The following GRXCR2 variants were observed in gnomAD, a reference collection of about 807,000 sequenced individuals.
GRXCR2 encodes glutaredoxin domain-containing cysteine-rich protein 2.
Under a neutral mutation model 24.8 loss-of-function variants are expected in GRXCR2, and 23 were observed. That is an observed-to-expected ratio of 0.93 (90% CI 0.67 to 1.32). The LOEUF is 1.32. GRXCR2 is among the 40% of genes most tolerant of loss of function. The pLI is 0.00. For synonymous variants in GRXCR2, 130 were observed against 116.1 expected, an observed-to-expected ratio of 1.12 and a Z score of -0.77; for missense variants, 315 against 303.4, an observed-to-expected ratio of 1.04 and a Z score of -0.28.
chr5:145,915,246 G>A (rs1757220160), intron 2 of GRXCR2, among the ~76,000 whole-genome samples: 1 of 152,132 alleles, frequency 6.6e-6, no homozygotes, highest in Admixed American at 6.6e-5. Context: ...GGCCATTCCT[G>A]TGCACTCATT....
chr5:145,905,669 G>A (rs914586517), intron 2 of GRXCR2, among the ~76,000 whole-genome samples: 3 of 152,158 alleles, frequency 2.0e-5, no homozygotes, highest in Admixed American at 2.0e-4. Flanking sequence ...GCATGGACGG[G>A]GTAGGAGAGG....
chr5:145,913,349 C>T (rs1757192387), intron 2 of GRXCR2, among the ~76,000 whole-genome samples: 1 of 152,044 alleles, frequency 6.6e-6, no homozygotes, highest in Non-Finnish European at 1.5e-5. Context: ...ACTTCTCTTT[C>T]TTGTAACTAA....
intron 1 of GRXCR2, among the ~76,000 whole-genome samples, chr5:145,869,416 T>C (rs895390868): frequency 6.6e-6 from 1 of 152,202 alleles, no homozygotes; most frequent in Non-Finnish European, 1.5e-5. Flanking sequence ...TTTATAACCT[T>C]TTTCTCTACC....
intron 2 of GRXCR2, among the ~76,000 whole-genome samples, chr5:145,861,790 G>A (rs1756343595): frequency 6.6e-6 from 1 of 152,148 alleles, no homozygotes; most frequent in South Asian, 2.1e-4. Flanking sequence ...AACTCATTCA[G>A]CTTTCTTTTA....
chr5:145,885,759 G>A lies in GRXCR2; in HGVS notation c.-69-19031C>T, dbSNP rs186624410. On this transcript the variant is annotated intron_variant, in intron 2 of 3. Coordinates refer to the GRXCR2 transcript ENST00000639411. ...TTCTTTTTGGAATTTGATTTCATGA[G>A]GTCAGTATTCCGAGGAAAATAGTCT... 1.6e-3 allele frequency among the ~76,000 whole-genome samples: 238 copies of A among 152,236 alleles called. 2 individuals are homozygous for A. Among genetic ancestry groups the A allele is most frequent in the Middle Eastern group, 6.8e-3 (2 of 294 alleles).
At chr5:145,889,850 A>T (rs1195093435) in intron 2 of GRXCR2, among the ~76,000 whole-genome samples, 1 of 152,244 alleles carries the variant, frequency 6.6e-6, no homozygotes, top group Non-Finnish European at 1.5e-5. Flanking sequence ...AAAATGAAGG[A>T]AGAGATAAAC....
At chr5:145,871,617 T>C (rs1271278337) in intron 1 of GRXCR2, among the ~76,000 whole-genome samples, 3 of 152,160 alleles carry the variant, frequency 2.0e-5, no homozygotes, top group Non-Finnish European at 2.9e-5. Flanking sequence ...CCTTTTAATA[T>C]CAAAAACAAG....
chr5:145,902,631 G>A (rs1757039567), intron 2 of GRXCR2, among the ~76,000 whole-genome samples: 1 of 152,224 alleles, frequency 6.6e-6, no homozygotes, highest in African/African-American at 2.4e-5. Context: ...GAATCAGTGA[G>A]TGACGCCAAG....
At chr5:145,913,949 C>G (rs567240641) in intron 2 of GRXCR2, among the ~76,000 whole-genome samples, 1 of 152,186 alleles carries the variant, frequency 6.6e-6, no homozygotes, top group African/African-American at 2.4e-5. Context: ...CACACTCAGG[C>G]GTTTTGATTT....
intron 1 of GRXCR2, among the ~76,000 whole-genome samples, chr5:145,866,944 C>T (rs1252069788): frequency 6.6e-6 from 1 of 152,086 alleles, no homozygotes; most frequent in Non-Finnish European, 1.5e-5. Context: ...TTGATGGTGA[C>T]CAATCAAAGC....
chr5:145,881,666 C>T (rs1280821825), intron 2 of GRXCR2, among the ~76,000 whole-genome samples: 1 of 152,192 alleles, frequency 6.6e-6, no homozygotes, highest in African/African-American at 2.4e-5. Context: ...TTGGAAAAAA[C>T]TACTTTAAAG....
intron 2 of GRXCR2, among the ~76,000 whole-genome samples, chr5:145,878,593 G>T (rs1756653930): frequency 6.6e-6 from 1 of 152,008 alleles, no homozygotes; most frequent in Non-Finnish European, 1.5e-5. Context: ...AAATTGATGG[G>T]GAGAATAGAA....
intron 2 of GRXCR2, among the ~76,000 whole-genome samples, chr5:145,917,709 G>A (rs1204933684): frequency 6.6e-6 from 1 of 152,182 alleles, no homozygotes; most frequent in Non-Finnish European, 1.5e-5. Context: ...AGCCTCAAGA[G>A]TAGGTGGTGA....
intron 2 of GRXCR2, among the ~76,000 whole-genome samples, chr5:145,865,523 A>G (rs1561675845): frequency 6.6e-6 from 1 of 152,344 alleles, no homozygotes; most frequent in South Asian, 2.1e-4. Context: ...GAATTTTTAT[A>G]CTAACTTTTA....
intron 2 of GRXCR2, among the ~76,000 whole-genome samples, chr5:145,915,482 C>T: frequency 6.6e-6 from 1 of 152,200 alleles, no homozygotes; most frequent in South Asian, 2.1e-4. Context: ...CTGAATCCTG[C>T]TGGTTACAAA....
chr5:145,861,087 T>C (rs1440317733), intron 2 of GRXCR2, among the ~76,000 whole-genome samples: 1 of 151,828 alleles, frequency 6.6e-6, no homozygotes, highest in African/African-American at 2.4e-5. Context: ...GTCCTGGCCA[T>C]TTCAGCTTCT....
intron 2 of GRXCR2, among the ~76,000 whole-genome samples, chr5:145,880,919 T>A (rs1019066305): frequency 3.9e-5 from 6 of 151,964 alleles, no homozygotes; most frequent in African/African-American, 1.5e-4. Context: ...ACAGAACCAA[T>A]GACAAAAGAT....
At chr5:145,864,110 A>AT (rs947404768) in intron 2 of GRXCR2, among the ~76,000 whole-genome samples, 8 of 151,984 alleles carry the variant, frequency 5.3e-5, no homozygotes, top group East Asian at 1.9e-4. Context: ...ATCCTAGAGG[A>AT]TTTTTTTCCT....
chr5:145,888,626 T>C (rs1397292478), intron 2 of GRXCR2, among the ~76,000 whole-genome samples: 1 of 152,196 alleles, frequency 6.6e-6, no homozygotes, highest in Admixed American at 6.5e-5. Context: ...GTGTTTTGTA[T>C]AAATTCAAAA....
Sources: allele counts gnomAD v4.1 joint callset (sites outside exome capture counted in the v4.1 genomes callset), GRCh38; gene constraint gnomAD v4.1.1; transcripts MANE v1.5; gene names NCBI Gene and HGNC (gene_info 2026-07-23, HGNC 2026-07-21).